CALN1: variants seen among roughly 807,000 people sequenced by gnomAD.
CALN1 encodes calneuron 1, also known as calcium-binding protein 8.
A neutral mutation model predicts 30.6 loss-of-function variants in CALN1; 17 were observed. The observed-to-expected ratio is 0.56, with a 90% CI of 0.38 to 0.83. The LOEUF is 0.83. Ranked by LOEUF, CALN1 falls within the 40% of genes least tolerant of loss-of-function variation. The pLI, the probability that CALN1 is intolerant of heterozygous loss-of-function variation, is 0.00. For synonymous variants in CALN1, 156 were observed against 131.4 expected (o/e 1.19, Z -1.28); for missense variants, 291 against 354.9 (o/e 0.82, Z 1.45).
At chr7:72,312,470 T>C (rs957966488) in intron 2 of CALN1, among the ~76,000 whole-genome samples, 3 of 151,384 alleles carry the variant, frequency 2.0e-5, no homozygotes, top group African/African-American at 7.3e-5. Context: ...ATGTTATACC[T>C]ATAAGCCATG....
intron 5 of CALN1, among the ~76,000 whole-genome samples, chr7:72,016,345 T>A (rs1188707785): frequency 1.3e-5 from 2 of 152,028 alleles, no homozygotes; most frequent in African/African-American, 2.4e-5. Flanking sequence ...GTATTATAGC[T>A]TTTTGTATGT....
At chr7:72,172,632 G>A (rs1327146783) in intron 3 of CALN1, among the ~76,000 whole-genome samples, 5 of 152,164 alleles carry the variant, frequency 3.3e-5, no homozygotes, top group African/African-American at 1.2e-4. Context: ...TGCAAGCCTG[G>A]TTCAACATTT....
intron 2 of CALN1, among the ~76,000 whole-genome samples, chr7:72,309,268 T>C (rs905383148): frequency 2.0e-5 from 3 of 152,192 alleles, no homozygotes; most frequent in Non-Finnish European, 4.4e-5. Context: ...TAGAAATCCA[T>C]GCCGGTCCTG....
intron 5 of CALN1, among the ~76,000 whole-genome samples, chr7:71,831,622 G>A (rs1789279511): frequency 1.3e-5 from 2 of 151,596 alleles, no homozygotes; most frequent in Non-Finnish European, 2.9e-5. Flanking sequence ...GTTGTGGTTC[G>A]CATCTATAAG....
At chr7:72,335,260 T>C (rs1187700567) in intron 2 of CALN1, among the ~76,000 whole-genome samples, 1 of 152,162 alleles carries the variant, frequency 6.6e-6, no homozygotes, top group Non-Finnish European at 1.5e-5. Flanking sequence ...CTCAAGACAA[T>C]TTCACACCAA....
chr7:72,071,579 C>T (rs927775830), intron 4 of CALN1, among the ~76,000 whole-genome samples: 8 of 152,170 alleles, frequency 5.3e-5, no homozygotes, highest in African/African-American at 1.7e-4. Flanking sequence ...ACACCTCAAA[C>T]TGATCGTTGG....
At chr7:72,005,342 GTTTTGAGACA>G (rs1417516758) in intron 5 of CALN1, among the ~76,000 whole-genome samples, 1 of 152,094 alleles carries the variant, frequency 6.6e-6, no homozygotes, top group East Asian at 1.9e-4. Context: ...TGTTTTTTCT[GTTTTGAGACA>G]GGGTCTCGCT....
Position 72,259,972 on chromosome 7 carries a change from A to G in CALN1, c.244+18714T>C, listed in dbSNP as rs76144431. 3.3e-3 allele frequency among the ~76,000 whole-genome samples: 501 copies of G among 152,344 alleles called. 2 individuals carry two copies. In the East Asian group the frequency reaches 0.036, roughly 11 times the overall value. On this transcript the variant is annotated intron_variant, in intron 3 of 6. Transcript: ENST00000395275. ...CTTGTCCAGTCTTCCCACCAAAAGC[A>G]AAACACTCCAGTGCTTTGGGAGGCC...
At chr7:72,233,282 A>C (rs1794242145) in intron 3 of CALN1, among the ~76,000 whole-genome samples, 1 of 151,994 alleles carries the variant, frequency 6.6e-6, no homozygotes, top group Non-Finnish European at 1.5e-5. Context: ...AAGGAGGAAA[A>C]AAAGCAACCC....
intron 3 of CALN1, among the ~76,000 whole-genome samples, chr7:72,221,842 T>C (rs1335000908): frequency 6.6e-6 from 1 of 151,508 alleles, no homozygotes; most frequent in African/African-American, 2.4e-5. Flanking sequence ...TGAGCTGAGA[T>C]CGTGCCACTG....
intron 5 of CALN1, among the ~76,000 whole-genome samples, chr7:71,872,938 A>C (rs1223462227): frequency 6.6e-6 from 1 of 151,040 alleles, no homozygotes; most frequent in African/African-American, 2.4e-5. Context: ...CATGGAAATG[A>C]CTGGGTAAGG....
intron 2 of CALN1, among the ~76,000 whole-genome samples, chr7:72,321,340 T>G (rs977903644): frequency 1.3e-5 from 2 of 152,164 alleles, no homozygotes; most frequent in African/African-American, 4.8e-5. Flanking sequence ...ATACAACTTA[T>G]TAGTCATCAC....
chr7:71,836,199 C>A (rs1789590800), intron 5 of CALN1, among the ~76,000 whole-genome samples: 1 of 152,178 alleles, frequency 6.6e-6, no homozygotes, highest in South Asian at 2.1e-4. Context: ...ACCTGCGGAT[C>A]CTGGAACATC....
At chr7:72,504,110 A>G in the CALN1 span, among the ~76,000 whole-genome samples, 1 of 152,222 alleles carries the variant, frequency 6.6e-6, no homozygotes, top group Non-Finnish European at 1.5e-5. Flanking sequence ...TGGGAGACTC[A>G]CATCACAGTG....
intron 5 of CALN1, among the ~76,000 whole-genome samples, chr7:71,990,371 G>A (rs901396493): frequency 1.3e-4 from 20 of 152,106 alleles, no homozygotes; most frequent in Admixed American, 1.2e-3. Context: ...TCCATCCGTC[G>A]TTTAGCATAT....
chr7:72,431,702 T>C (rs1310762311), intron 1 of CALN1, among the ~76,000 whole-genome samples: 1 of 151,688 alleles, frequency 6.6e-6, no homozygotes, highest in African/African-American at 2.4e-5. Flanking sequence ...AATTACCGAG[T>C]GTGGTCATGC....
intron 6 of CALN1, among the ~76,000 whole-genome samples, chr7:71,788,285 C>A (rs141183986): frequency 0.018 from 2,696 of 152,120 alleles, 81 homozygotes; most frequent in African/African-American, 0.061. Flanking sequence ...TCCATTTCTG[C>A]AGCTGATACA....
intron 5 of CALN1, among the ~76,000 whole-genome samples, chr7:71,847,919 G>A (rs1052455834): frequency 2.0e-5 from 3 of 152,006 alleles, no homozygotes; most frequent in Non-Finnish European, 2.9e-5. Context: ...CATGTAAGAA[G>A]TGCCTTTTTT....
intron 3 of CALN1, among the ~76,000 whole-genome samples, chr7:72,255,416 T>C (rs1238327308): frequency 1.3e-5 from 2 of 148,336 alleles, no homozygotes; most frequent in Non-Finnish European, 3.0e-5. Context: ...TTTTTTATTA[T>C]TATTGTTATT....
Sources: allele counts gnomAD v4.1 joint callset (sites outside exome capture counted in the v4.1 genomes callset), GRCh38; gene constraint gnomAD v4.1.1; transcripts MANE v1.5; gene names NCBI Gene and HGNC (gene_info 2026-07-23, HGNC 2026-07-21).